The following DYM variants were observed in gnomAD, a reference collection of about 807,000 sequenced individuals.
The protein encoded by DYM is dymeclin, also known as dyggve-Melchior-Clausen syndrome protein.
DYM carries 78 observed loss-of-function variants against 93.1 expected under a neutral mutation model. That is an observed-to-expected ratio of 0.84 (90% CI 0.70 to 1.01). The LOEUF is 1.01. DYM is among the 50% of genes least tolerant of loss of function. DYM has a pLI of 0.00. For missense variants in DYM, 789 were observed against 845.0 expected (o/e 0.93, Z 0.82); for synonymous variants, 321 against 319.7 (o/e 1.00, Z -0.04).
At chr18:49,406,298 G>A (rs1381861064) in intron 2 of DYM, among the ~76,000 whole-genome samples, 2 of 151,892 alleles carry the variant, frequency 1.3e-5, no homozygotes, top group African/African-American at 2.4e-5. Flanking sequence ...GGTGGCTCAC[G>A]CCTGTAATCC....
chr18:49,201,951 C>T (rs1469486759), intron 14 of DYM, among the ~76,000 whole-genome samples: 2 of 152,182 alleles, frequency 1.3e-5, no homozygotes, highest in African/African-American at 4.8e-5. Flanking sequence ...ACTAATCACA[C>T]GGTAATCACT....
intron 14 of DYM, among the ~76,000 whole-genome samples, chr18:49,178,571 G>T (rs1186180297): frequency 6.6e-6 from 1 of 152,112 alleles, no homozygotes; most frequent in Admixed American, 6.6e-5. Context: ...GATAAATGAT[G>T]TATCACTTAA....
intron 2 of DYM, among the ~76,000 whole-genome samples, chr18:49,407,332 A>G (rs2071616216): frequency 6.6e-6 from 1 of 152,190 alleles, no homozygotes; most frequent in Non-Finnish European, 1.5e-5. Flanking sequence ...CGGATAAATA[A>G]CTGTGTTAGT....
intron 1 of DYM, among the ~76,000 whole-genome samples, chr18:49,457,941 G>A (rs778712227): frequency 2.0e-5 from 3 of 152,168 alleles, no homozygotes; most frequent in Non-Finnish European, 2.9e-5. Context: ...AAGGAAAGTG[G>A]CAGCCTCTAG....
intron 17 of DYM, among the ~76,000 whole-genome samples, chr18:49,063,527 G>C (rs187537909): frequency 7.1e-4 from 107 of 151,118 alleles, no homozygotes; most frequent in African/African-American, 2.1e-3. Context: ...ACAACAAGGT[G>C]ATAATTCAAA....
intron 16 of DYM, chr18:49,116,262 A>G (rs1030684050): frequency 1.3e-5 from 2 of 152,220 alleles, no homozygotes; most frequent in South Asian, 2.1e-4. Flanking sequence ...TGGTAACACA[A>G]CTGACATTCT....
chr18:49,210,044 A>G (rs893625726), intron 13 of DYM, among the ~76,000 whole-genome samples: 1 of 152,214 alleles, frequency 6.6e-6, no homozygotes, highest in Non-Finnish European at 1.5e-5. Context: ...CCAAATCCAG[A>G]GCATGGATTA....
chr18:49,191,380 T>C (rs955558783), intron 14 of DYM, among the ~76,000 whole-genome samples: 5 of 152,136 alleles, frequency 3.3e-5, no homozygotes, highest in African/African-American at 1.2e-4. Flanking sequence ...CTATAAATGC[T>C]TACTTTGTGA....
At chr18:49,221,725 G>A (rs1598735011) in intron 13 of DYM, among the ~76,000 whole-genome samples, 1 of 152,192 alleles carries the variant, frequency 6.6e-6, no homozygotes, top group South Asian at 2.1e-4. Context: ...ATGGACACAG[G>A]AAGGGGAACA....
rs560113061 is a variant in DYM, at chr18:49,288,451, CAT to C, written c.764-1837_764-1836del. ...GATCTGAATTAATGTAAAGGCATAA[CAT>C]GTTTCTGGACAAAAAGAGTCAATAC... On this transcript the variant is annotated intron_variant, in intron 8 of 17. Transcript: ENST00000675505. 4.6e-3 allele frequency among the ~76,000 whole-genome samples: 702 copies of C among 152,164 alleles called. 4 individuals carry two copies. The highest frequency in any genetic ancestry group is 0.011 in the Admixed American group (167 of 15,270).
chr18:49,431,994 A>T (rs1487949156), intron 1 of DYM: 5 of 152,362 alleles, frequency 3.3e-5, no homozygotes, highest in Non-Finnish European at 7.3e-5. Flanking sequence ...AGCTTCAATT[A>T]AGCCTCTATA....
intron 6 of DYM, among the ~76,000 whole-genome samples, chr18:49,351,407 G>C (rs1461685419): frequency 6.6e-6 from 1 of 151,842 alleles, no homozygotes; most frequent in African/African-American, 2.4e-5. Flanking sequence ...TTTAAAAAGA[G>C]GGAAGAAATG....
At chr18:49,340,956 G>A (rs941915042) in intron 6 of DYM, among the ~76,000 whole-genome samples, 4 of 152,138 alleles carry the variant, frequency 2.6e-5, no homozygotes, top group South Asian at 2.1e-4. Flanking sequence ...AAGGACACAG[G>A]AAATGGAAAA....
chr18:49,178,412 T>G (rs1173168868), intron 14 of DYM, among the ~76,000 whole-genome samples: 1 of 152,168 alleles, frequency 6.6e-6, no homozygotes, highest in Non-Finnish European at 1.5e-5. Flanking sequence ...TTCAAATGTG[T>G]GTAAGGTCTT....
At chr18:49,129,999 T>G (rs2083230937) in intron 15 of DYM, among the ~76,000 whole-genome samples, 1 of 152,148 alleles carries the variant, frequency 6.6e-6, no homozygotes. Flanking sequence ...GTTCTGGGAT[T>G]TGAGGCAGGA....
At chr18:49,286,395 C>A in intron 9 of DYM, 39 bp downstream of exon 9, 4 of 1,595,744 alleles carry the variant, frequency 2.5e-6, no homozygotes, top group East Asian at 2.2e-5. Flanking sequence ...GCAATACTCT[C>A]CCCATTACAA....
intron 14 of DYM, among the ~76,000 whole-genome samples, chr18:49,196,910 T>A (rs2091505759): frequency 6.6e-6 from 1 of 152,060 alleles, no homozygotes; most frequent in South Asian, 2.1e-4. Context: ...TGAGCTAGGG[T>A]GACTGGCAGT....
At chr18:49,435,092 C>T (rs1237995126) in intron 1 of DYM, among the ~76,000 whole-genome samples, 1 of 151,188 alleles carries the variant, frequency 6.6e-6, no homozygotes, top group Non-Finnish European at 1.5e-5. Context: ...CCTATAATCC[C>T]AGCTTCTAGG....
At chr18:49,083,143 C>T (rs895511730) in intron 17 of DYM, among the ~76,000 whole-genome samples, 1 of 152,118 alleles carries the variant, frequency 6.6e-6, no homozygotes, top group Non-Finnish European at 1.5e-5. Flanking sequence ...AAAGGAGACA[C>T]AGACAATACA....
Sources: gnomAD v4.1 joint callset for allele counts (sites outside exome capture counted in the v4.1 genomes callset) on GRCh38, gnomAD v4.1.1 for gene constraint, MANE v1.5 for transcripts, NCBI Gene and HGNC (gene_info 2026-07-23, HGNC 2026-07-21) for gene names.